PHF12: variants seen among roughly 807,000 people sequenced by gnomAD.
PHF12 encodes PHD finger protein 12, also known as PHD factor 1.
PHF12 carries 6 observed loss-of-function variants against 99.8 expected under a neutral mutation model. The ratio of observed to expected loss-of-function variants is 0.06; its 90% confidence interval spans 0.03 to 0.12. PHF12 has a LOEUF of 0.12. Ranked by LOEUF, PHF12 falls within the 10% of genes least tolerant of loss-of-function variation. The probability of loss-of-function intolerance (pLI) is 1.00; values close to 1 mark genes in which losing one functional copy is unlikely to be tolerated. For missense variants in PHF12, 954 were observed against 1,300.1 expected (o/e 0.73, Z 4.09); for synonymous variants, 480 against 514.9 (o/e 0.93, Z 0.92).
At chr17:28,922,688 C>G (rs62068964) in intron 4 of PHF12, among the ~76,000 whole-genome samples, 2 of 152,040 alleles carry the variant, frequency 1.3e-5, no homozygotes, top group Non-Finnish European at 2.9e-5. Flanking sequence ...AGATTTGGAA[C>G]CTAAATGTCC....
At chr17:28,909,023 A>G (rs779570096) in intron 11 of PHF12, 142 bp from the exon 12 acceptor site, 10 of 739,736 alleles carry the variant, frequency 1.4e-5, no homozygotes, top group Non-Finnish European at 2.3e-5. Context: ...CACATCCAAC[A>G]CTGAGCTGCG....
chr17:28,927,507 C>T (rs981837684), intron 2 of PHF12, among the ~76,000 whole-genome samples: 12 of 152,214 alleles, frequency 7.9e-5, no homozygotes. Flanking sequence ...CTTTAGAAAG[C>T]TATGCCTGTC....
chr17:28,939,600 C>G (rs1040441325), intron 2 of PHF12, among the ~76,000 whole-genome samples: 1 of 152,188 alleles, frequency 6.6e-6, no homozygotes, highest in African/African-American at 2.4e-5. Context: ...GAAAGAAAAG[C>G]AAGAGTAGGT....
intron 7 of PHF12, 42 bp downstream of exon 7, chr17:28,917,243 G>T (rs1282257507): frequency 6.2e-7 from 1 of 1,611,436 alleles, no homozygotes; most frequent in Non-Finnish European, 8.5e-7. Flanking sequence ...ACCCATGATG[G>T]CAGGCAGACT....
At chr17:28,930,320 C>G (rs1019550113) in intron 2 of PHF12, among the ~76,000 whole-genome samples, 1 of 152,220 alleles carries the variant, frequency 6.6e-6, no homozygotes, top group East Asian at 1.9e-4. Context: ...GTATTCAAAC[C>G]ATTACATGTC....
At chr17:28,940,179 T>G (rs2040588622) in intron 2 of PHF12, among the ~76,000 whole-genome samples, 1 of 152,252 alleles carries the variant, frequency 6.6e-6, no homozygotes, top group Admixed American at 6.5e-5. Flanking sequence ...CTTGTGTCTG[T>G]GTTAACAAAG....
rs2039909104 is a variant in PHF12 at position 28,908,545 on chromosome 17, C to T, written c.2458+238G>A. The T allele has an allele frequency of 5.8e-6, 3 of 515,836 alleles. No homozygotes were observed. The East Asian group carries it at 9.3e-5, about 16-fold the overall frequency. 32.0% of individuals were successfully genotyped at this position (515,836 alleles called of 1,614,324 possible). ...ATGTTGCCCAGGCTGGTCTCGAAGT[C>T]CTGGGCTCAAGTGTTCCTCCTGCCT... On this transcript the variant is annotated intron_variant, in intron 12 of 14. Coordinates refer to ENST00000332830, the MANE Select transcript of PHF12 (RefSeq NM_001033561.2).
chr17:28,924,161 G>A lies in PHF12; in HGVS notation c.463C>T (p.Arg155Trp). ...KTELKAIAHA[R>W]ILERRASRPG... ...CTGCTGGCTCTCCTTTCCAGGATCC[G>A]GGCATGGGCAATGGCCTTTAGTTCA... Residue 155 changes from arginine to tryptophan, a missense_variant, in exon 4 of 15, where the codon CGG (arginine) becomes TGG (tryptophan). Transcript: ENST00000332830. The A allele has an allele frequency of 6.2e-7, 1 of 1,614,154 alleles. No homozygotes were observed. Among genetic ancestry groups the A allele is most frequent in the Admixed American group, 1.7e-5 (1 of 60,014 alleles).
At chr17:28,915,471 T>C (rs2040045178) in intron 7 of PHF12, among the ~76,000 whole-genome samples, 1 of 152,022 alleles carries the variant, frequency 6.6e-6, no homozygotes, top group South Asian at 2.1e-4. Flanking sequence ...CAGGCAGATA[T>C]GAGTCTGGAT....
chr17:28,910,606 G>C, intron 10 of PHF12: 1 of 570,776 alleles, frequency 1.8e-6, no homozygotes, highest in Non-Finnish European at 3.1e-6. Context: ...TGGGTGGACT[G>C]ATTTTAATTA....
rs1247778168 is a variant in PHF12, at chr17:28,914,056, A to G, written c.1135-19T>C. 1 of 1,583,476 alleles carries G rather than the reference A, an allele frequency of 6.3e-7. No individual in the cohort carries two copies. The highest frequency in any genetic ancestry group is 1.3e-5 in the African/African-American group (1 of 74,500). ...CAGGAACCTGTTCAGGATAGATAGA[A>G]GGAGGAAGGAGAGGGAGATAGTTCC... On this transcript the variant is annotated intron_variant, in intron 7 of 14. Coordinates refer to ENST00000332830, the MANE Select transcript of PHF12 (RefSeq NM_001033561.2).
At chr17:28,910,875 C>T in intron 10 of PHF12, 1 of 520,032 alleles carries the variant, frequency 1.9e-6, no homozygotes, top group South Asian at 2.5e-5. Flanking sequence ...CAGCTTGGCT[C>T]TGTCCTCCCT....
intron 9 of PHF12, 96 bp from the exon 10 acceptor site, chr17:28,911,333 A>G (rs1257225680): frequency 4.0e-6 from 6 of 1,511,734 alleles, no homozygotes; most frequent in Admixed American, 3.9e-5. Flanking sequence ...TTCGGACCCA[A>G]GGTGATGTTC....
rs1349547571 is a variant in PHF12, at chr17:28,906,143, T to C, written c.*40A>G. The C allele has an allele frequency of 1.9e-6, 3 of 1,542,040 alleles. No homozygotes were observed. Among genetic ancestry groups the C allele is most frequent in the African/African-American group, 1.4e-5 (1 of 73,294 alleles). On this transcript the variant is annotated 3_prime_UTR_variant, in exon 15 of 15. Coordinates refer to ENST00000332830, the MANE Select transcript of PHF12 (RefSeq NM_001033561.2). The surrounding 1 kb of genome is among the most constrained non-coding windows in gnomAD (Gnocchi z 4.2). The stretch of plus-strand genomic sequence containing the variant: ...GTACATTTTTGCATTGCAGGAGTCT[T>C]GGGTGGGTGTACAGGCCAGTGGCGG...
intron 2 of PHF12, among the ~76,000 whole-genome samples, chr17:28,941,205 C>T (rs887411105): frequency 1.3e-5 from 2 of 151,958 alleles, no homozygotes; most frequent in Non-Finnish European, 1.5e-5. Context: ...AGGAATTGTC[C>T]CTGTGTTGGG....
At position 28,951,041 on chromosome 17, in the gene PHF12, C is replaced by G. The variant is rs1302806118; in HGVS notation, c.-81G>C. 3 of 1,599,182 alleles carry G rather than the reference C, an allele frequency of 1.9e-6. No homozygotes were observed. Among genetic ancestry groups the G allele is most frequent in the South Asian group, 2.2e-5 (2 of 89,816 alleles). On this transcript the variant is annotated 5_prime_UTR_variant, in exon 1 of 15. Transcript: ENST00000332830. Reference sequence around the variant, plus strand: ...AGGGGGGAGGTGAGGGGAGGGGGCGCTCCTGACCCCGGCCCCGCTTTTTTC... The same window carrying G: ...AGGGGGGAGGTGAGGGGAGGGGGCGGTCCTGACCCCGGCCCCGCTTTTTTC...
intron 2 of PHF12, among the ~76,000 whole-genome samples, chr17:28,945,678 A>G (rs1378482507): frequency 6.6e-6 from 1 of 152,118 alleles, no homozygotes; most frequent in African/African-American, 2.4e-5. Flanking sequence ...CAACAATCCT[A>G]CCAATCTCAA....
chr17:28,910,163 G>A (rs1416684885), intron 11 of PHF12, 63 bp downstream of exon 11: 2 of 1,609,082 alleles, frequency 1.2e-6, no homozygotes, highest in East Asian at 2.2e-5. Flanking sequence ...TGGAGGCAAG[G>A]TGACCATTCG....
At chr17:28,909,972 T>C in intron 11 of PHF12, 1 of 648,858 alleles carries the variant, frequency 1.5e-6, no homozygotes, top group Admixed American at 2.4e-5. Flanking sequence ...GGTAGCTGCT[T>C]TGCTGTGTCT....
Sources: gnomAD v4.1 joint callset for allele counts (sites outside exome capture counted in the v4.1 genomes callset) on GRCh38, gnomAD v4.1.1 for gene constraint, Gnocchi (gnomAD v3.1) non-coding constraint, MANE v1.5 for transcripts, NCBI Gene and HGNC (gene_info 2026-07-23, HGNC 2026-07-21) for gene names.